Variants in OR6N1 observed in about 807,000 individuals in gnomAD.
OR6N1 encodes the protein olfactory receptor family 6 subfamily N member 1, also known as olfactory receptor 6N1.
For missense variants in OR6N1, 394 were observed against 371.7 expected (o/e 1.06, Z -0.49); for synonymous variants, 170 against 150.7 (o/e 1.13, Z -0.94).
the OR6N1 span, among the ~76,000 whole-genome samples, chr1:158,781,799 T>TA: frequency 6.6e-6 from 1 of 152,212 alleles, no homozygotes; most frequent in Admixed American, 6.5e-5. Context: ...TAGTTCCAAT[T>TA]AAAGACCTGT....
At chr1:158,836,618 C>T in the OR6N1 span, among the ~76,000 whole-genome samples, 3 of 151,646 alleles carry the variant, frequency 2.0e-5, no homozygotes, top group African/African-American at 7.2e-5. Context: ...TCTTTTTCTT[C>T]TATGTCAATT....
chr1:158,786,275 C>A, the OR6N1 span, among the ~76,000 whole-genome samples: 10 of 152,028 alleles, frequency 6.6e-5, no homozygotes, highest in African/African-American at 2.4e-4. Flanking sequence ...CAGGGAAATG[C>A]AAATTAAAAC....
At chr1:158,804,945 C>T in the OR6N1 span, among the ~76,000 whole-genome samples, 1 of 151,916 alleles carries the variant, frequency 6.6e-6, no homozygotes, top group African/African-American at 2.4e-5. Flanking sequence ...CCTCAAATCA[C>T]CTGATTATTT....
the OR6N1 span, among the ~76,000 whole-genome samples, chr1:158,837,562 A>T: frequency 6.6e-6 from 1 of 151,688 alleles, no homozygotes; most frequent in Non-Finnish European, 1.5e-5. Context: ...TATCTCTTTT[A>T]TTCCTTCACT....
At chr1:158,805,725 G>A in the OR6N1 span, among the ~76,000 whole-genome samples, 1 of 152,056 alleles carries the variant, frequency 6.6e-6, no homozygotes, top group African/African-American at 2.4e-5. Context: ...AGCTATAAAT[G>A]GATCTTAAAA....
the OR6N1 span, among the ~76,000 whole-genome samples, chr1:158,789,853 T>C: frequency 6.6e-6 from 1 of 152,232 alleles, no homozygotes; most frequent in Non-Finnish European, 1.5e-5. Context: ...ATAATTCCAC[T>C]TGGCTATTTT....
At chr1:158,775,974 A>G (rs1046045120), upstream of OR6N1, 1 of 152,236 alleles carries the variant, frequency 6.6e-6, no homozygotes, top group African/African-American at 2.4e-5. Context: ...TCTAAATCTC[A>G]GAGAAAAATT....
At chr1:158,789,904 C>G in the OR6N1 span, among the ~76,000 whole-genome samples, 1 of 152,188 alleles carries the variant, frequency 6.6e-6, no homozygotes, top group Non-Finnish European at 1.5e-5. Context: ...ACACAAAAAT[C>G]TTTGCCCAGG....
the OR6N1 span, among the ~76,000 whole-genome samples, chr1:158,814,437 C>T: frequency 6.6e-6 from 1 of 152,294 alleles, no homozygotes; most frequent in South Asian, 2.1e-4. Flanking sequence ...TAGACCTCAT[C>T]TTACACAGTT....
At chr1:158,805,947 C>T in the OR6N1 span, among the ~76,000 whole-genome samples, 3 of 152,264 alleles carry the variant, frequency 2.0e-5, no homozygotes, top group South Asian at 6.2e-4. Flanking sequence ...GTTCACTGCA[C>T]AGTATGCACC....
At chr1:158,783,329 C>G in the OR6N1 span, among the ~76,000 whole-genome samples, 2 of 152,228 alleles carry the variant, frequency 1.3e-5, no homozygotes, top group Non-Finnish European at 2.9e-5. Context: ...ACTGGTCCCT[C>G]TTTCTTAGAC....
chr1:158,800,680 T>G, the OR6N1 span, among the ~76,000 whole-genome samples: 1 of 152,170 alleles, frequency 6.6e-6, no homozygotes, highest in Non-Finnish European at 1.5e-5. Flanking sequence ...TCTCTTAAAA[T>G]AAGCTAAAAT....
At chr1:158,779,217 A>G in the OR6N1 span, among the ~76,000 whole-genome samples, 9 of 152,160 alleles carry the variant, frequency 5.9e-5, no homozygotes, top group Admixed American at 5.2e-4. Flanking sequence ...AAAGAAAACA[A>G]TAACAAAAAT....
chr1:158,827,115 T>A, the OR6N1 span, among the ~76,000 whole-genome samples: 29,376 of 152,130 alleles, frequency 0.19, 3,017 homozygotes, highest in Admixed American at 0.28. Context: ...TACAAGAAGA[T>A]TTTTTGTTTG....
upstream of OR6N1, among the ~76,000 whole-genome samples, chr1:158,772,964 A>G (rs1657460939): frequency 6.6e-6 from 1 of 152,210 alleles, no homozygotes; most frequent in Admixed American, 6.5e-5. Context: ...ATTATTTGTC[A>G]GATAAAAAAT....
chr1:158,787,954 C>T, the OR6N1 span, among the ~76,000 whole-genome samples: 1 of 152,132 alleles, frequency 6.6e-6, no homozygotes, highest in African/African-American at 2.4e-5. Flanking sequence ...CTTTGTCTGA[C>T]AGGATGATGG....
chr1:158,814,195 G>A, the OR6N1 span, among the ~76,000 whole-genome samples: 1 of 152,072 alleles, frequency 6.6e-6, no homozygotes, highest in Non-Finnish European at 1.5e-5. Context: ...CTAGATGATA[G>A]AACTTTAACT....
At chr1:158,824,571 A>G in the OR6N1 span, among the ~76,000 whole-genome samples, 1 of 152,148 alleles carries the variant, frequency 6.6e-6, no homozygotes, top group Admixed American at 6.5e-5. Context: ...ATTTTCTTCT[A>G]GGCCCATTTG....
chr1:158,819,321 A>C, the OR6N1 span, among the ~76,000 whole-genome samples: 2 of 152,162 alleles, frequency 1.3e-5, no homozygotes, highest in Non-Finnish European at 2.9e-5. Context: ...TGAACCACAC[A>C]GAAGGGCATC....
Sources: allele counts gnomAD v4.1 joint callset (sites outside exome capture counted in the v4.1 genomes callset), GRCh38; gene constraint gnomAD v4.1.1; transcripts MANE v1.5; gene names NCBI Gene and HGNC (gene_info 2026-07-23, HGNC 2026-07-21).